The following ABHD17B variants were observed in gnomAD, a reference collection of about 807,000 sequenced individuals.
ABHD17B encodes the protein abhydrolase domain containing 17B, depalmitoylase, also known as alpha/beta hydrolase domain-containing protein 17B.
A neutral mutation model predicts 26.2 loss-of-function variants in ABHD17B; 9 were observed. That is an observed-to-expected ratio of 0.34 (90% CI 0.21 to 0.60). ABHD17B has a LOEUF of 0.60. Among genes scored for constraint, ABHD17B ranks in the 20% least tolerant of loss-of-function variants. The pLI is 0.80. For synonymous variants in ABHD17B, 127 were observed against 122.3 expected (o/e 1.04, Z -0.25); for missense variants, 224 against 352.1 (o/e 0.64, Z 2.91).
intron 2 of ABHD17B, 32 bp downstream of exon 2, chr9:71,874,582 A>AG: frequency 1.3e-6 from 2 of 1,506,936 alleles, no homozygotes; most frequent in Non-Finnish European, 1.8e-6. Flanking sequence ...AACCACCACG[A>AG]GTATGAAAAA....
intron 1 of ABHD17B, among the ~76,000 whole-genome samples, chr9:71,900,597 A>G (rs1414069206): frequency 2.8e-5 from 4 of 145,378 alleles, no homozygotes; most frequent in Non-Finnish European, 6.0e-5. Flanking sequence ...GGTTGCAGTG[A>G]GCCAAGATCA....
chr9:71,876,051 A>G (rs1826266340), intron 1 of ABHD17B, among the ~76,000 whole-genome samples: 1 of 152,238 alleles, frequency 6.6e-6, no homozygotes, highest in Non-Finnish European at 1.5e-5. Flanking sequence ...TGGCCCAAAT[A>G]ACCTATAGAA....
chr9:71,893,828 G>A (rs1308657349), intron 1 of ABHD17B, among the ~76,000 whole-genome samples: 1 of 152,130 alleles, frequency 6.6e-6, no homozygotes, highest in Non-Finnish European at 1.5e-5. Context: ...GGTGGCTCAC[G>A]CCTGTAATCC....
At chr9:71,901,692 C>G (rs1315100677) in intron 1 of ABHD17B, among the ~76,000 whole-genome samples, 2 of 152,164 alleles carry the variant, frequency 1.3e-5, no homozygotes, top group African/African-American at 2.4e-5. Context: ...CTGCATTTCA[C>G]TCTTTCCCCA....
At chr9:71,870,407 G>T in intron 2 of ABHD17B, 145 bp from the exon 3 acceptor site, 1 of 597,156 alleles carries the variant, frequency 1.7e-6, no homozygotes, top group Non-Finnish European at 2.6e-6. Context: ...ATTACTGTTA[G>T]TTTTAACATT....
chr9:71,896,703 C>CACATAT (rs1554702581), intron 1 of ABHD17B, among the ~76,000 whole-genome samples: 1 of 150,630 alleles, frequency 6.6e-6, no homozygotes, highest in Non-Finnish European at 1.5e-5. Flanking sequence ...CACACACACA[C>CACATAT]ATATATATAT....
chr9:71,877,503 C>T (rs1826313892), intron 1 of ABHD17B, among the ~76,000 whole-genome samples: 3 of 152,210 alleles, frequency 2.0e-5, no homozygotes, highest in South Asian at 2.1e-4. Flanking sequence ...CTGCAACCTC[C>T]GCCTCCCACA....
At chr9:71,871,476 C>T (rs755909040) in intron 2 of ABHD17B, among the ~76,000 whole-genome samples, 17 of 152,122 alleles carry the variant, frequency 1.1e-4, no homozygotes, top group Non-Finnish European at 2.2e-4. Context: ...ATATTTCATA[C>T]GAATGAAGAA....
At chr9:71,884,411 T>G (rs1442040114) in intron 1 of ABHD17B, among the ~76,000 whole-genome samples, 1 of 152,132 alleles carries the variant, frequency 6.6e-6, no homozygotes, top group African/African-American at 2.4e-5. Context: ...ATGTGTTGGA[T>G]GCAGATAATA....
At chr9:71,876,747 G>A (rs947355025) in intron 1 of ABHD17B, among the ~76,000 whole-genome samples, 2 of 152,052 alleles carry the variant, frequency 1.3e-5, no homozygotes, top group African/African-American at 4.8e-5. Context: ...ACTCAATACA[G>A]AATCAAATAT....
Position 71,908,806 on chromosome 9 carries a change from A to G in ABHD17B, c.-4+1828T>C, listed in dbSNP as rs372203554. ...ATTTAACTTATATCAATGTCACATAACCAGAGTAACTGTTGCTTACATGGT... is the reference window on the plus strand; with the variant it reads ...ATTTAACTTATATCAATGTCACATAGCCAGAGTAACTGTTGCTTACATGGT... On this transcript the variant is annotated intron_variant, in intron 1 of 3. Transcript: ENST00000333421. Among the ~76,000 whole-genome samples the G allele has an allele frequency of 6.6e-5, 10 of 152,314 alleles. No individual in the cohort carries two copies. In the South Asian group the frequency reaches 1.9e-3, roughly 28 times the overall value.
chr9:71,867,094 A>G (rs1825980413), intron 3 of ABHD17B, 88 bp from the exon 4 acceptor site: 1 of 1,434,726 alleles, frequency 7.0e-7, no homozygotes, highest in Non-Finnish European at 9.5e-7. Flanking sequence ...GATAATTCAA[A>G]TATGAGAATT....
chr9:71,892,702 G>A (rs904323948), intron 1 of ABHD17B, among the ~76,000 whole-genome samples: 4 of 151,996 alleles, frequency 2.6e-5, no homozygotes, highest in African/African-American at 9.7e-5. Context: ...AGGTGAGAGA[G>A]TAAGGGAGGT....
At chr9:71,876,800 G>A (rs1425917640) in intron 1 of ABHD17B, among the ~76,000 whole-genome samples, 1 of 151,974 alleles carries the variant, frequency 6.6e-6, no homozygotes, top group Non-Finnish European at 1.5e-5. Context: ...AGAAGCAGCA[G>A]AAAAAAGCAC....
chr9:71,862,583 A>C, downstream of ABHD17B: 1 of 1,477,828 alleles, frequency 6.8e-7, no homozygotes, highest in South Asian at 1.1e-5. Flanking sequence ...TGAGAAAATC[A>C]CTTCCCTTCT....
chr9:71,886,052 T>C (rs1051428534), intron 1 of ABHD17B, among the ~76,000 whole-genome samples: 1 of 151,922 alleles, frequency 6.6e-6, no homozygotes, highest in African/African-American at 2.4e-5. Context: ...TTTTGATATA[T>C]TAGATTTCAT....
At chr9:71,894,186 T>C (rs911855146) in intron 1 of ABHD17B, among the ~76,000 whole-genome samples, 6 of 149,612 alleles carry the variant, frequency 4.0e-5, no homozygotes, top group African/African-American at 1.5e-4. Context: ...AGAATGAAGA[T>C]CAAATATATA....
intron 1 of ABHD17B, among the ~76,000 whole-genome samples, chr9:71,909,550 T>C (rs139242797): frequency 1.3e-5 from 2 of 152,190 alleles, no homozygotes; most frequent in African/African-American, 4.8e-5. Flanking sequence ...CTAAACAGAT[T>C]AACGTTATTA....
At chr9:71,883,839 A>G (rs1223331374) in intron 1 of ABHD17B, among the ~76,000 whole-genome samples, 1 of 152,124 alleles carries the variant, frequency 6.6e-6, no homozygotes, top group Non-Finnish European at 1.5e-5. Context: ...CGGGAGGCTG[A>G]GGCAGAAGAA....
Sources: allele counts gnomAD v4.1 joint callset (sites outside exome capture counted in the v4.1 genomes callset), GRCh38; gene constraint gnomAD v4.1.1; transcripts MANE v1.5; gene names NCBI Gene and HGNC (gene_info 2026-07-23, HGNC 2026-07-21).